SYN2: variants seen among roughly 807,000 people sequenced by gnomAD.
SYN2 encodes synapsin-2.
In SYN2, 19 loss-of-function variants were observed where a neutral mutation model predicts 50.9. That is an observed-to-expected ratio of 0.37 (90% CI 0.26 to 0.55). The LOEUF (loss-of-function observed/expected upper bound fraction) is 0.55. Ranked by LOEUF, SYN2 falls within the 20% of genes least tolerant of loss-of-function variation. The pLI, the probability that SYN2 is intolerant of heterozygous loss-of-function variation, is 0.81. For missense variants in SYN2, 587 were observed against 576.4 expected, an observed-to-expected ratio of 1.02 and a Z score of -0.19; for synonymous variants, 255 against 224.9, an observed-to-expected ratio of 1.13 and a Z score of -1.20.
chr3:12,081,613 G>A (rs190175720), intron 1 of SYN2, among the ~76,000 whole-genome samples: 4 of 152,166 alleles, frequency 2.6e-5, no homozygotes, highest in Non-Finnish European at 4.4e-5. Context: ...GGAAACTTCT[G>A]TAAGTGAACT....
intron 5 of SYN2, chr3:12,157,497 A>G: frequency 6.2e-7 from 1 of 1,613,600 alleles, no homozygotes; most frequent in Non-Finnish European, 8.5e-7. Flanking sequence ...ATAGGAAGAG[A>G]AAAGAGGGAA....
At chr3:12,018,200 TCTGAG>T (rs1694061934) in intron 1 of SYN2, among the ~76,000 whole-genome samples, 1 of 152,100 alleles carries the variant, frequency 6.6e-6, no homozygotes, top group Non-Finnish European at 1.5e-5. Flanking sequence ...AAGGGACAAA[TCTGAG>T]CTGAGCTTTG....
chr3:12,059,819 A>G (rs912096713), intron 1 of SYN2, among the ~76,000 whole-genome samples: 1 of 152,108 alleles, frequency 6.6e-6, no homozygotes, highest in Non-Finnish European at 1.5e-5. Context: ...AGGCTCCTCT[A>G]AAGGGGGTCC....
chr3:12,070,652 G>A, intron 1 of SYN2: 2 of 1,335,156 alleles, frequency 1.5e-6, no homozygotes, highest in South Asian at 1.2e-5. Flanking sequence ...TCCAGGCCAT[G>A]CTGTCCCTCT....
chr3:12,135,808 C>T (rs528230627), intron 1 of SYN2, among the ~76,000 whole-genome samples: 1 of 152,288 alleles, frequency 6.6e-6, no homozygotes, highest in South Asian at 2.1e-4. Context: ...CTCCTAACAT[C>T]CCAGTCAATA....
At chr3:12,154,587 G>A (rs879695081) in intron 5 of SYN2, 50 of 851,106 alleles carry the variant, frequency 5.9e-5, no homozygotes, top group Non-Finnish European at 8.8e-5. Flanking sequence ...GCTCAGTGAA[G>A]GGACCAATAA....
At chr3:12,141,070 T>G (rs1178000454) in intron 2 of SYN2, among the ~76,000 whole-genome samples, 1 of 152,224 alleles carries the variant, frequency 6.6e-6, no homozygotes, top group Non-Finnish European at 1.5e-5. Context: ...TATTTCTCGG[T>G]AGGCACATGT....
chr3:12,106,700 A>C (rs1420789523), intron 1 of SYN2, among the ~76,000 whole-genome samples: 2 of 152,192 alleles, frequency 1.3e-5, no homozygotes, highest in Non-Finnish European at 2.9e-5. Flanking sequence ...TAAATGTTTT[A>C]GAAAACATTT....
At position 12,168,363 on chromosome 3, in the gene SYN2, C is replaced by T. The variant is rs1162028243; in HGVS notation, c.1056-13C>T. On this transcript the variant is annotated splice_polypyrimidine_tract_variant and intron_variant, in intron 8 of 12. Coordinates refer to ENST00000621198, the MANE Select transcript of SYN2 (RefSeq NM_133625.6). ...ATTGCCCCAGCTTCAGGACACCTTC[C>T]CATCACCTCCAGGTACAAACTGTGG... is the stretch of plus-strand genomic sequence containing the variant. The T allele has an allele frequency of 6.2e-7, 1 of 1,610,296 alleles. No homozygotes were observed. The highest frequency in any genetic ancestry group is 1.3e-5 in the African/African-American group (1 of 74,850).
intron 5 of SYN2, among the ~76,000 whole-genome samples, chr3:12,154,932 G>T (rs764837234): frequency 6.6e-6 from 1 of 152,174 alleles, no homozygotes; most frequent in Non-Finnish European, 1.5e-5. Context: ...GCCCTTCCCA[G>T]TATCTGCACA....
chr3:12,180,753 G>A (rs1372621049), intron 10 of SYN2, among the ~76,000 whole-genome samples: 1 of 152,196 alleles, frequency 6.6e-6, no homozygotes. Context: ...GCCTCCGGGA[G>A]CTCTTCCTCT....
In SYN2 at chr3:12,056,650, T is replaced by A. The variant is rs868208732; in HGVS notation, c.377+51722T>A. Among the ~76,000 whole-genome samples the A allele has an allele frequency of 5.9e-5, 9 of 152,320 alleles. No individual in the cohort carries two copies. In the Middle Eastern group the frequency reaches 0.01, roughly 173 times the overall value. On this transcript the variant is annotated intron_variant, in intron 1 of 12. Coordinates refer to ENST00000621198, the MANE Select transcript of SYN2 (RefSeq NM_133625.6). ...ACATTCAAAATGGATTATTCTTATT[T>A]GGCAGAGTCTCAGAAGTTAAATAAT...
intron 1 of SYN2, among the ~76,000 whole-genome samples, chr3:12,044,197 A>T (rs886521754): frequency 1.8e-3 from 264 of 149,580 alleles, no homozygotes; most frequent in African/African-American, 5.9e-3. Flanking sequence ...ACACACACAC[A>T]CACACACACA....
At chr3:12,048,329 A>C (rs1019689696) in intron 1 of SYN2, among the ~76,000 whole-genome samples, 1 of 151,980 alleles carries the variant, frequency 6.6e-6, no homozygotes, top group African/African-American at 2.4e-5. Flanking sequence ...CACCATGCCC[A>C]GCTAATTTTT....
chr3:12,161,656 A>G (rs1198641378), intron 6 of SYN2, 48 bp downstream of exon 6: 4 of 1,598,396 alleles, frequency 2.5e-6, no homozygotes, highest in East Asian at 2.2e-5. Context: ...CAAGAAGGGC[A>G]GTTTTCAGAG....
At chr3:12,094,984 T>A (rs1574937073) in intron 1 of SYN2, among the ~76,000 whole-genome samples, 1 of 152,262 alleles carries the variant, frequency 6.6e-6, no homozygotes, top group East Asian at 1.9e-4. Flanking sequence ...CTTGGAGTTG[T>A]TGGCCTACGT....
chr3:12,135,698 T>C (rs1019233961), intron 1 of SYN2, among the ~76,000 whole-genome samples: 1 of 152,176 alleles, frequency 6.6e-6, no homozygotes, highest in African/African-American at 2.4e-5. Flanking sequence ...ACCCTCAGGA[T>C]TGACACATGT....
At chr3:12,070,868 A>G (rs923175091) in intron 1 of SYN2, 20 of 574,172 alleles carry the variant, frequency 3.5e-5, no homozygotes, top group African/African-American at 2.3e-4. Context: ...ATCTTGGGTG[A>G]CATCAAGGAG....
At chr3:12,104,555 T>TTTTTC (rs1559421386) in intron 1 of SYN2, among the ~76,000 whole-genome samples, 2 of 141,478 alleles carry the variant, frequency 1.4e-5, no homozygotes, top group African/African-American at 2.7e-5. Flanking sequence ...ATGTGAAACA[T>TTTTTC]TTTTCTTTTC....
Sources: gnomAD v4.1 joint callset for allele counts (sites outside exome capture counted in the v4.1 genomes callset) on GRCh38, gnomAD v4.1.1 for gene constraint, MANE v1.5 for transcripts, NCBI Gene and HGNC (gene_info 2026-07-23, HGNC 2026-07-21) for gene names.